Variants in CAMK2G observed in about 807,000 individuals in gnomAD.
The protein encoded by CAMK2G is calcium/calmodulin-dependent protein kinase type II subunit gamma.
In CAMK2G, 23 loss-of-function variants were observed where a neutral mutation model predicts 88.7. That is an observed-to-expected ratio of 0.26 (90% CI 0.19 to 0.37). CAMK2G has a LOEUF of 0.37. Ranked by LOEUF, CAMK2G falls within the 10% of genes least tolerant of loss-of-function variation. CAMK2G has a pLI of 1.00. For missense variants in CAMK2G, 476 were observed against 780.8 expected, an observed-to-expected ratio of 0.61 and a Z score of 4.65; for synonymous variants, 263 against 294.8, an observed-to-expected ratio of 0.89 and a Z score of 1.11.
intron 2 of CAMK2G, among the ~76,000 whole-genome samples, chr10:73,872,665 A>G (rs1365396429): frequency 6.6e-6 from 1 of 152,208 alleles, no homozygotes; most frequent in Non-Finnish European, 1.5e-5. Flanking sequence ...GAGAGGCTCC[A>G]AATGCCCCAA....
chr10:73,860,791 A>G, intron 3 of CAMK2G, 39 bp downstream of exon 3: 1 of 1,511,078 alleles, frequency 6.6e-7, no homozygotes. Flanking sequence ...CCCTGCTTCT[A>G]CAAAATACCC....
chr10:73,871,067 G>C (rs1435920829), intron 2 of CAMK2G, among the ~76,000 whole-genome samples: 1 of 152,110 alleles, frequency 6.6e-6, no homozygotes, highest in African/African-American at 2.4e-5. Context: ...TGGCACATGA[G>C]GCCACACAAC....
intron 15 of CAMK2G, 105 bp downstream of exon 15, chr10:73,827,984 A>G: frequency 5.5e-6 from 5 of 902,076 alleles, no homozygotes; most frequent in Non-Finnish European, 9.4e-6. Context: ...ACAGACATGC[A>G]GTGAGGATGA....
In CAMK2G at chr10:73,847,338, G is replaced by A; in HGVS notation, c.706C>T (p.Pro236Ser). 1 of 1,613,932 alleles carries A rather than the reference G, an allele frequency of 6.2e-7. No individual in the cohort carries two copies. Among genetic ancestry groups the A allele is most frequent in the Non-Finnish European group, 8.5e-7 (1 of 1,179,816 alleles). The part of the protein sequence containing the change: ...IKAGAYDFPS[P>S]EWDTVTPEAK... ...TCAGGAGTTACCGTGTCCCATTCTG[G>A]TGATGGGAACTAAGGAGCAGGAATA... The change falls in exon 10 of 23, where the codon CCA becomes TCA. Residue 236 changes from proline (P) to serine (S), a missense_variant. By Grantham distance (74) the Pro-to-Ser change is moderately conservative. Coordinates refer to ENST00000423381, the MANE Select transcript of CAMK2G (RefSeq NM_001367534.1).
chr10:73,872,111 G>C (rs949620199), intron 2 of CAMK2G, among the ~76,000 whole-genome samples: 18 of 152,168 alleles, frequency 1.2e-4, no homozygotes, highest in African/African-American at 4.3e-4. Context: ...GTACTCACCA[G>C]ACCTGTTCCC....
intron 22 of CAMK2G, 152 bp downstream of exon 22, chr10:73,814,851 A>G (rs1292107370): frequency 9.9e-6 from 6 of 608,488 alleles, no homozygotes; most frequent in Non-Finnish European, 2.9e-6. Context: ...ATTTCCAAGC[A>G]TAACTTATTG....
chr10:73,847,336 T>C lies in CAMK2G; in HGVS notation c.708A>G (p.Pro236=), dbSNP rs1215851709. ...IKAGAYDFPS[P]EWDTVTPEAK... ...CTTCAGGAGTTACCGTGTCCCATTC[T>C]GGTGATGGGAACTAAGGAGCAGGAA... The change falls in exon 10 of 23, where the codon CCA becomes CCG. Residue 236 remains proline, a synonymous_variant. Transcript: ENST00000423381. The C allele has an allele frequency of 6.2e-7, 1 of 1,613,990 alleles. No homozygotes were observed.
chr10:73,848,987 T>C lies in CAMK2G; in HGVS notation c.517+26A>G, dbSNP rs2094442325. Reference sequence around the variant, plus strand: ...AAGAGGAGGAAGGGCGGGGGCTGCATTCCGGGAAGACAGGATCACCCTTAC... The same window carrying C: ...AAGAGGAGGAAGGGCGGGGGCTGCACTCCGGGAAGACAGGATCACCCTTAC... On this transcript the variant is annotated intron_variant, in intron 7 of 22. Coordinates refer to ENST00000423381, the MANE Select transcript of CAMK2G (RefSeq NM_001367534.1). The surrounding 1 kb of genome is among the most constrained non-coding windows in gnomAD (Gnocchi z 4.5). 1 of 1,427,978 alleles carries C rather than the reference T, an allele frequency of 7.0e-7. No individual in the cohort carries two copies. 88.5% of individuals were successfully genotyped at this position (1,427,978 alleles called of 1,614,324 possible).
rs911011737 is a variant in CAMK2G at position 73,815,025 on chromosome 10, G to A, written c.1757C>T (p.Pro586Leu). The A allele has an allele frequency of 3.1e-6, 5 of 1,612,130 alleles. No homozygotes were observed. Among genetic ancestry groups the A allele is most frequent in the Non-Finnish European group, 4.2e-6 (5 of 1,178,650 alleles). Residue 586 changes from proline (P) to leucine (L), a missense_variant, in exon 22 of 23, where the codon CCG (proline) becomes CTG (leucine). Coordinates refer to ENST00000423381, the MANE Select transcript of CAMK2G (RefSeq NM_001367534.1). The part of the protein sequence containing the change: ...HYHCSGAPAA[P>L]LQ Reference sequence around the variant, plus strand: ...CACCTGTGGCTGAGCTCACTGCAGCGGTGCGGCAGGGGCCCCTGAGCAGTG... The same window carrying A: ...CACCTGTGGCTGAGCTCACTGCAGCAGTGCGGCAGGGGCCCCTGAGCAGTG...
At chr10:73,863,977 C>A (rs958394412) in intron 2 of CAMK2G, among the ~76,000 whole-genome samples, 1 of 152,206 alleles carries the variant, frequency 6.6e-6, no homozygotes, top group Non-Finnish European at 1.5e-5. Flanking sequence ...AGTCAGACAG[C>A]CCTGGATTGA....
chr10:73,840,850 A>G (rs912161734), intron 12 of CAMK2G, among the ~76,000 whole-genome samples: 5 of 152,234 alleles, frequency 3.3e-5, no homozygotes, highest in Non-Finnish European at 1.5e-5. Flanking sequence ...AGGCTCGTAG[A>G]CCCAAAAAGT....
intron 3 of CAMK2G, among the ~76,000 whole-genome samples, chr10:73,858,896 G>A (rs569549855): frequency 1.3e-5 from 2 of 152,218 alleles, no homozygotes; most frequent in Non-Finnish European, 2.9e-5. Flanking sequence ...TGACCCGTCC[G>A]TGGCCAACCC....
intron 22 of CAMK2G, 21 bp from the exon 23 acceptor site, chr10:73,814,526 T>A (rs933632598): frequency 1.9e-5 from 3 of 159,650 alleles, no homozygotes; most frequent in Admixed American, 1.8e-4. Context: ...GGACAGAATG[T>A]GGTAACAGAA....
At chr10:73,831,876 G>A (rs988950910) in intron 14 of CAMK2G, among the ~76,000 whole-genome samples, 2 of 151,860 alleles carry the variant, frequency 1.3e-5, no homozygotes, top group Admixed American at 6.6e-5. Flanking sequence ...CAAAAAAAAA[G>A]ATATCATTAT....
intron 15 of CAMK2G, 30 bp downstream of exon 15, chr10:73,828,059 G>A (rs776592342): frequency 3.1e-6 from 5 of 1,604,062 alleles, no homozygotes; most frequent in Non-Finnish European, 4.3e-6. Context: ...GCAGCATGGA[G>A]TGGGCGATGG....
chr10:73,845,482 T>G (rs1420176066), intron 10 of CAMK2G, among the ~76,000 whole-genome samples: 2 of 149,840 alleles, frequency 1.3e-5, no homozygotes, highest in Admixed American at 6.7e-5. Context: ...CTCGGGAGGC[T>G]GAGGCAGGAG....
intron 14 of CAMK2G, among the ~76,000 whole-genome samples, chr10:73,835,233 C>T (rs939016993): frequency 1.3e-5 from 2 of 152,138 alleles, no homozygotes; most frequent in African/African-American, 4.8e-5. Flanking sequence ...GTGTCTCTCC[C>T]ACTGTAAACA....
chr10:73,872,882 C>T (rs546857125), intron 2 of CAMK2G, 107 bp downstream of exon 2: 2 of 795,370 alleles, frequency 2.5e-6, no homozygotes, highest in Non-Finnish European at 4.5e-6. Context: ...ATTCCAACTC[C>T]TCTCCAAGTG....
At chr10:73,851,055 A>C (rs938087643) in intron 5 of CAMK2G, among the ~76,000 whole-genome samples, 3 of 151,996 alleles carry the variant, frequency 2.0e-5, no homozygotes, top group Non-Finnish European at 4.4e-5. Flanking sequence ...TCCGTCCCAG[A>C]GCCTCGTCCT....
Sources: gnomAD v4.1 joint callset for allele counts (sites outside exome capture counted in the v4.1 genomes callset) on GRCh38, gnomAD v4.1.1 for gene constraint, Gnocchi (gnomAD v3.1) non-coding constraint, MANE v1.5 for transcripts, NCBI Gene and HGNC (gene_info 2026-07-23, HGNC 2026-07-21) for gene names.